The following FER1L5 variants were observed in gnomAD, a reference collection of about 807,000 sequenced individuals.
FER1L5 encodes fer-1-like protein 5.
FER1L5 carries 187 observed loss-of-function variants against 279.9 expected under a neutral mutation model. The ratio of observed to expected loss-of-function variants is 0.67; its 90% CI spans 0.59 to 0.75. The LOEUF is 0.75. Ranked by LOEUF, FER1L5 falls within the 30% of genes least tolerant of loss-of-function variation. The probability of loss-of-function intolerance (pLI) is 0.00; values close to 1 mark genes in which losing one functional copy is unlikely to be tolerated. For synonymous variants in FER1L5, 921 were observed against 989.7 expected, an observed-to-expected ratio of 0.93 and a Z score of 1.30; for missense variants, 2,091 against 2,594.4, an observed-to-expected ratio of 0.81 and a Z score of 4.21.
rs557095937 is a variant in FER1L5, at chr2:96,688,939, CCT to C, written c.2362-271_2362-270del. The C allele has an allele frequency of 8.9e-3, 3,335 of 375,150 alleles. 38 individuals carry two copies. Among genetic ancestry groups the C allele is most frequent in the Non-Finnish European group, 0.012 (2,486 of 205,694 alleles). The allele number at this position is 375,150 out of a possible 1,614,324, so 23.2% of individuals were successfully genotyped here. On this transcript the variant is annotated intron_variant, in intron 24 of 52. Coordinates refer to ENST00000624922, the MANE Select transcript of FER1L5 (RefSeq NM_001293083.2). The stretch of plus-strand genomic sequence containing the variant: ...CCCCTTCACCCCAGACCCCTCTCCA[CCT>C]CTGTGCCTCCAAGCACTACATAGAT...
At chr2:96,700,775 C>T (rs1157351633) in intron 45 of FER1L5, among the ~76,000 whole-genome samples, 1 of 152,130 alleles carries the variant, frequency 6.6e-6, no homozygotes, top group Non-Finnish European at 1.5e-5. Flanking sequence ...AAGTCTCTCC[C>T]GAGGGGTGGG....
Position 96,699,488 on chromosome 2 carries a change from G to A in FER1L5, c.4611-62G>A, listed in dbSNP as rs2077509695. ...GGGCCTACGGGGCCGAGACACCGGTGAGGGAGGGGGGCACAGAGACATTGC... is the reference window on the plus strand; with the variant it reads ...GGGCCTACGGGGCCGAGACACCGGTAAGGGAGGGGGGCACAGAGACATTGC... On this transcript the variant is annotated intron_variant, in intron 42 of 52. Coordinates refer to ENST00000624922, the MANE Select transcript of FER1L5 (RefSeq NM_001293083.2). 2.6e-6 allele frequency: 4 copies of A among 1,546,036 alleles called. No individual in the cohort carries two copies. The South Asian group carries it at 4.8e-5, about 19-fold the overall frequency.
At chr2:96,662,614 G>T (rs1192438879) in intron 13 of FER1L5, among the ~76,000 whole-genome samples, 1 of 152,152 alleles carries the variant, frequency 6.6e-6, no homozygotes, top group African/African-American at 2.4e-5. Flanking sequence ...CTATGAATAC[G>T]GAATAGCATT....
chr2:96,699,243 T>C, intron 42 of FER1L5, 107 bp downstream of exon 42: 1 of 1,166,542 alleles, frequency 8.6e-7, no homozygotes, highest in African/African-American at 1.5e-5. Context: ...AGCCTCCAAG[T>C]TCCCACCACA....
intron 6 of FER1L5, 126 bp from the exon 7 acceptor site, chr2:96,651,766 C>T: frequency 7.2e-7 from 1 of 1,388,000 alleles, no homozygotes; most frequent in Non-Finnish European, 9.8e-7. Flanking sequence ...CTCGGCCTCC[C>T]AAAGTGCTGG....
Position 96,661,767 on chromosome 2 carries a change from T to C in FER1L5, c.994T>C (p.Tyr332His). 6.4e-7 allele frequency: 1 copy of C among 1,551,740 alleles called. No homozygotes were observed. Among genetic ancestry groups the C allele is most frequent in the Non-Finnish European group, 8.7e-7 (1 of 1,146,998 alleles). Residue 332 changes from tyrosine to histidine, a missense_variant, in exon 12 of 53, where the codon TAC (tyrosine) becomes CAC (histidine). Transcript: ENST00000624922. Reference protein sequence around the residue: ...INMAYLQLFIYCAEDLHLKKH... With the variant: ...INMAYLQLFIHCAEDLHLKKH... ...CATGGCTTACTTACAGCTCTTCATC[T>C]ACTGCGCAGAGGACCTTCACCTCAG...
rs1461862739 is a variant in FER1L5, at chr2:96,688,045, G to C, written c.2361+98G>C. 13 of 1,471,038 alleles carry C rather than the reference G, an allele frequency of 8.8e-6. No individual in the cohort carries two copies. In the East Asian group the frequency reaches 2.7e-4, roughly 31 times the overall value. 91.1% of individuals were successfully genotyped at this position (1,471,038 alleles called of 1,614,324 possible). On this transcript the variant is annotated intron_variant, in intron 24 of 52. Transcript: ENST00000624922. ...AGATGGCCTCCCTGCAGGGGATTTGGCGTGAGAAGGGAGGGTGTAGCTGCA... is the reference window on the plus strand; with the variant it reads ...AGATGGCCTCCCTGCAGGGGATTTGCCGTGAGAAGGGAGGGTGTAGCTGCA...
At chr2:96,677,352 TC>T (rs564714427) in intron 19 of FER1L5, among the ~76,000 whole-genome samples, 34 of 152,368 alleles carry the variant, frequency 2.2e-4, no homozygotes, top group African/African-American at 8.2e-4. Flanking sequence ...TATTTACTTT[TC>T]CTGGATGTTT....
In FER1L5 at chr2:96,642,858, T is replaced by C; in HGVS notation, c.22T>C (p.Ser8Pro). ...CGAGATGCTGCGGCTTGTGGTGCAG[T>C]CGGCCAAGATTGACCCACCACTAGC... MLRLVVQ[S>P]AKIDPPLAPL... The change falls in exon 1 of 53, where the codon TCG becomes CCG. Residue 8 changes from serine (S) to proline (P), a missense_variant. Coordinates refer to ENST00000624922, the MANE Select transcript of FER1L5 (RefSeq NM_001293083.2). 1 of 1,550,806 alleles carries C rather than the reference T, an allele frequency of 6.4e-7. No homozygotes were observed. The highest frequency in any genetic ancestry group is 1.2e-5 in the South Asian group (1 of 83,954).
chr2:96,646,553 G>A lies in FER1L5; in HGVS notation c.138+100G>A, dbSNP rs776761351. 5.4e-4 allele frequency: 657 copies of A among 1,205,974 alleles called. 4 individuals carry two copies. Among genetic ancestry groups the A allele is most frequent in the Middle Eastern group, 8.4e-4 (4 of 4,782 alleles). 74.7% of individuals were successfully genotyped at this position (1,205,974 alleles called of 1,614,324 possible). ...GTGCTCAGAGGTCTAGGGAGAGGAC[G>A]TGCAACCTCACAGGCTTTCCTCAAG... On this transcript the variant is annotated intron_variant, in intron 2 of 52. Transcript: ENST00000624922.
At chr2:96,653,553 C>A in intron 7 of FER1L5, 87 bp from the exon 8 acceptor site, 1 of 1,029,540 alleles carries the variant, frequency 9.7e-7, no homozygotes, top group Non-Finnish European at 1.5e-6. Context: ...GAAAGAAGCA[C>A]ATTATTCTGA....
chr2:96,656,472 A>G (rs893706878), intron 9 of FER1L5, among the ~76,000 whole-genome samples: 3 of 152,242 alleles, frequency 2.0e-5, no homozygotes, highest in Non-Finnish European at 4.4e-5. Flanking sequence ...TCTACTAAAA[A>G]TACAGAAATT....
At chr2:96,680,753 C>T (rs1318695320) in intron 19 of FER1L5, among the ~76,000 whole-genome samples, 1 of 152,208 alleles carries the variant, frequency 6.6e-6, no homozygotes, top group Non-Finnish European at 1.5e-5. Context: ...TGAATTATCA[C>T]AAAGCAAACA....
chr2:96,661,548 G>A (rs928832064), intron 11 of FER1L5, 108 bp downstream of exon 11: 40 of 1,507,586 alleles, frequency 2.7e-5, no homozygotes, highest in Middle Eastern at 1.7e-4. Flanking sequence ...TGTCCGCTGC[G>A]TCACTGCAGG....
intron 19 of FER1L5, among the ~76,000 whole-genome samples, chr2:96,683,510 C>T (rs546524407): frequency 2.8e-5 from 4 of 141,858 alleles, no homozygotes; most frequent in Admixed American, 7.0e-5. Flanking sequence ...CCCCACCCCC[C>T]GCCCAAATAA....
chr2:96,654,528 A>G (rs919129459), intron 9 of FER1L5, 32 bp downstream of exon 9: 14 of 398,830 alleles, frequency 3.5e-5, no homozygotes, highest in African/African-American at 2.7e-4. Flanking sequence ...AGGTTCAGTG[A>G]AACAGTTATT....
chr2:96,700,116 A>G (rs1179150240), intron 44 of FER1L5, 36 bp downstream of exon 44: 4 of 1,611,108 alleles, frequency 2.5e-6, no homozygotes, highest in South Asian at 1.1e-5. Context: ...AAGCACAGAC[A>G]CAGGCCTCTG....
intron 9 of FER1L5, among the ~76,000 whole-genome samples, chr2:96,659,473 CTTT>C (rs2075845669): frequency 3.6e-5 from 1 of 27,668 alleles, no homozygotes; most frequent in Non-Finnish European, 5.5e-5. Flanking sequence ...TTCTTTCTTT[CTTT>C]CTTTCTTTCT....
chr2:96,670,937 T>A (rs548492638), intron 18 of FER1L5, among the ~76,000 whole-genome samples: 1 of 149,872 alleles, frequency 6.7e-6, no homozygotes, highest in South Asian at 2.1e-4. Flanking sequence ...AAACCTCATC[T>A]CTACCAAAAA....
Sources: gnomAD v4.1 joint callset for allele counts (sites outside exome capture counted in the v4.1 genomes callset) on GRCh38, gnomAD v4.1.1 for gene constraint, MANE v1.5 for transcripts, NCBI Gene and HGNC (gene_info 2026-07-23, HGNC 2026-07-21) for gene names.